The following NACC1 variants were observed in gnomAD, a reference collection of about 807,000 sequenced individuals.
NACC1 encodes the protein nucleus accumbens-associated protein 1.
NACC1 carries 6 observed loss-of-function variants against 41.7 expected under a neutral mutation model. The ratio of observed to expected loss-of-function variants is 0.14; its 90% CI spans 0.08 to 0.28. The LOEUF is 0.28. Ranked by LOEUF, NACC1 falls within the 10% of genes least tolerant of loss-of-function variation. NACC1 has a pLI of 1.00. For synonymous variants in NACC1, 338 were observed against 330.6 expected (o/e 1.02, Z -0.24); for missense variants, 434 against 763.7 (o/e 0.57, Z 5.09).
chr19:13,135,863 C>T lies in NACC1; in HGVS notation c.656C>T (p.Pro219Leu), dbSNP rs866928542. 5.8e-6 allele frequency: 9 copies of T among 1,554,962 alleles called. No homozygotes were observed. Among genetic ancestry groups the T allele is most frequent in the Non-Finnish European group, 6.9e-6 (8 of 1,152,282 alleles). The change falls in exon 2 of 6, where the codon CCC becomes CTC. Residue 219 changes from proline to leucine, a missense_variant. Physicochemically the swap from Pro to Leu is moderately conservative, Grantham distance 98. Around this residue, in one of 4 missense-constraint regions of NACC1, gnomAD observed 234 missense variants for 308.3 expected, o/e 0.76. Coordinates refer to ENST00000292431, the MANE Select transcript of NACC1 (RefSeq NM_052876.4). ...PDLAANRPHQ[P>L]PPPQQAPVVA... ...CTGGCTGCCAACCGGCCTCACCAGC[C>T]CCCGCCACCCCAACAGGCTCCGGTG...
Position 13,136,617 on chromosome 19 carries a change from C to G in NACC1, c.1120+212C>G, listed in dbSNP as rs920362660. ...CCTCTAGGTTTCTGGCTTAAGGGGT[C>G]GGGGCGAGCATTGGCTATTATTGTT... On this transcript the variant is annotated intron_variant, in intron 3 of 5. Transcript: ENST00000292431. The surrounding 1 kb of genome is among the most constrained non-coding windows in gnomAD (Gnocchi z 5.5). Among the ~76,000 whole-genome samples, 1 of 152,126 alleles carries G rather than the reference C, an allele frequency of 6.6e-6. No individual in the cohort carries two copies. The highest frequency in any genetic ancestry group is 6.5e-5 in the Admixed American group (1 of 15,276).
Position 13,138,555 on chromosome 19 carries a change from C to G in NACC1, c.*149C>G, listed in dbSNP as rs2019740494. 8.1e-7 allele frequency: 1 copy of G among 1,232,060 alleles called. No homozygotes were observed. Among genetic ancestry groups the G allele is most frequent in the Non-Finnish European group, 1.1e-6 (1 of 903,580 alleles). 76.3% of individuals were successfully genotyped at this position (1,232,060 alleles called of 1,614,324 possible). On this transcript the variant is annotated 3_prime_UTR_variant, in exon 6 of 6. Coordinates refer to ENST00000292431, the MANE Select transcript of NACC1 (RefSeq NM_052876.4). The surrounding 1 kb of genome is among the most constrained non-coding windows in gnomAD (Gnocchi z 5.7). ...CCCTCTGCCCCTCCTGTCCTACCCC[C>G]TTTCCCCACCGAGAGCTGGGCCGGG...
At position 13,140,073 on chromosome 19, in the gene NACC1, C is replaced by G. The variant is rs962200522; in HGVS notation, c.*1667C>G. 1 of 152,542 alleles carries G rather than the reference C, an allele frequency of 6.6e-6. No individual in the cohort carries two copies. Among genetic ancestry groups the G allele is most frequent in the Non-Finnish European group, 1.5e-5 (1 of 68,154 alleles). The allele number at this position is 152,542 out of a possible 1,614,324, so 9.4% of individuals were successfully genotyped here. A position where few individuals can be genotyped will look rare whatever the true frequency, so the allele number is the denominator to read the frequency against. On this transcript the variant is annotated 3_prime_UTR_variant, in exon 6 of 6. Transcript: ENST00000292431. This position sits in a 1 kb window ranked among gnomAD's most constrained non-coding sequence, Gnocchi z 4.0. ...ATCCCCCCGATGGGACCAGCAGCCCCGCCGGCCCACTGGGGGTCCCTCTTA... is the reference window on the plus strand; with the variant it reads ...ATCCCCCCGATGGGACCAGCAGCCCGGCCGGCCCACTGGGGGTCCCTCTTA...
intron 1 of NACC1, among the ~76,000 whole-genome samples, chr19:13,128,159 T>TGCGA (rs2019588976): frequency 6.6e-6 from 1 of 152,148 alleles, no homozygotes; most frequent in East Asian, 1.9e-4. Flanking sequence ...CTGGGGTGTG[T>TGCGA]GCGAGTCTGG....
intron 1 of NACC1, among the ~76,000 whole-genome samples, chr19:13,134,213 C>T (rs886500775): frequency 1.3e-5 from 2 of 152,014 alleles, no homozygotes; most frequent in African/African-American, 4.8e-5. Flanking sequence ...TGTGCTCCAC[C>T]ATGCCGGGGT....
At chr19:13,125,742 A>C (rs1599986186) in intron 1 of NACC1, among the ~76,000 whole-genome samples, 1 of 145,840 alleles carries the variant, frequency 6.9e-6, no homozygotes, top group Admixed American at 6.8e-5. Context: ...TTGATCAACA[A>C]CTTCTTTTTT....
At chr19:13,124,096 G>T (rs1217189641) in intron 1 of NACC1, among the ~76,000 whole-genome samples, 1 of 152,040 alleles carries the variant, frequency 6.6e-6, no homozygotes, top group Non-Finnish European at 1.5e-5. Context: ...AAATCTGTGG[G>T]TGTATAAGAA....
intron 1 of NACC1, among the ~76,000 whole-genome samples, chr19:13,130,772 G>A (rs2019624781): frequency 6.6e-6 from 1 of 152,050 alleles, no homozygotes; most frequent in Admixed American, 6.6e-5. Context: ...CTGACCTCAG[G>A]TGATCTGCCC....
At chr19:13,127,291 T>C (rs1599988241) in intron 1 of NACC1, among the ~76,000 whole-genome samples, 1 of 129,780 alleles carries the variant, frequency 7.7e-6, no homozygotes, top group Non-Finnish European at 1.6e-5. Flanking sequence ...CAGCTGGGAG[T>C]TGGAGACCAG....
At chr19:13,130,530 C>CT (rs1568384184) in intron 1 of NACC1, among the ~76,000 whole-genome samples, 2 of 138,126 alleles carry the variant, frequency 1.4e-5, no homozygotes, top group African/African-American at 5.9e-5. Context: ...CCTCTTTTTT[C>CT]TTTTCTTTTT....
chr19:13,131,233 G>T (rs2019631137), intron 1 of NACC1, among the ~76,000 whole-genome samples: 1 of 152,224 alleles, frequency 6.6e-6, no homozygotes, highest in South Asian at 2.1e-4. Context: ...TGGGTTGGAT[G>T]AACAGCCCAT....
At chr19:13,117,678 C>G (rs2019408793), upstream of NACC1, 1 of 151,986 alleles carries the variant, frequency 6.6e-6, no homozygotes, top group Non-Finnish European at 1.5e-5. Flanking sequence ...CTCAGTCTCC[C>G]GAGTAGCTGG....
chr19:13,120,337 G>T (rs1026791737), intron 1 of NACC1, among the ~76,000 whole-genome samples: 1 of 152,224 alleles, frequency 6.6e-6, no homozygotes, highest in Non-Finnish European at 1.5e-5. Flanking sequence ...TTGGCCCCCA[G>T]TCGGATGGCA....
At chr19:13,134,177 C>T (rs2019668990) in intron 1 of NACC1, among the ~76,000 whole-genome samples, 1 of 152,016 alleles carries the variant, frequency 6.6e-6, no homozygotes, top group Admixed American at 6.6e-5. Flanking sequence ...CCCCACCACA[C>T]CCTCCCTAGT....
chr19:13,119,824 C>T (rs1275709753), intron 1 of NACC1, among the ~76,000 whole-genome samples: 7 of 152,198 alleles, frequency 4.6e-5, no homozygotes, highest in Admixed American at 3.3e-4. Context: ...CTGTGCCGAG[C>T]TCGCTGGTCG....
intron 1 of NACC1, chr19:13,131,518 C>T (rs2019634328): frequency 6.6e-6 from 1 of 152,282 alleles, no homozygotes; most frequent in Non-Finnish European, 1.5e-5. Flanking sequence ...AACATGGTGC[C>T]TGTTTCTCCT....
intron 1 of NACC1, among the ~76,000 whole-genome samples, chr19:13,123,276 A>G (rs2019521911): frequency 6.6e-6 from 1 of 151,896 alleles, no homozygotes; most frequent in African/African-American, 2.4e-5. Flanking sequence ...ACACGCAGGG[A>G]GTGGGATGTA....
rs750308782 is a variant in NACC1, at chr19:13,138,273, C to A, written c.1451C>A (p.Ala484Asp). ...ATGCCCAAGGTCAAGGTGCTCAAGG[C>A]TGAGGATGACGCCTACACCACCTTC... ...SWMPKVKVLK[A>D]EDDAYTTFIS... The change falls in exon 6 of 6, where the codon GCT becomes GAT. Residue 484 changes from alanine to aspartate, a missense_variant. Transcript: ENST00000292431. This position sits in a 1 kb window ranked among gnomAD's most constrained non-coding sequence, Gnocchi z 5.7. The A allele has an allele frequency of 1.2e-6, 2 of 1,614,222 alleles. No individual in the cohort carries two copies. Among genetic ancestry groups the A allele is most frequent in the African/African-American group, 2.7e-5 (2 of 75,076 alleles).
Position 13,135,180 on chromosome 19 carries a change from C to G in NACC1, c.-8-20C>G, listed in dbSNP as rs762641060. On this transcript the variant is annotated intron_variant, in intron 1 of 5. Coordinates refer to ENST00000292431, the MANE Select transcript of NACC1 (RefSeq NM_052876.4). Reference sequence around the variant, plus strand: ...GTCCCTCCGTCTCTGTCTCTCCATTCCTCCCTGCCCCTCGTGCAGCCGCTG... The same window carrying G: ...GTCCCTCCGTCTCTGTCTCTCCATTGCTCCCTGCCCCTCGTGCAGCCGCTG... The G allele has an allele frequency of 1.9e-6, 3 of 1,546,066 alleles. No homozygotes were observed. In the Admixed American group the frequency reaches 5.8e-5, roughly 30 times the overall value.
Sources: allele counts gnomAD v4.1 joint callset (sites outside exome capture counted in the v4.1 genomes callset), GRCh38; gene constraint gnomAD v4.1.1; regional missense constraint gnomAD v4.1.1; non-coding constraint Gnocchi (gnomAD v3.1); transcripts MANE v1.5; gene names NCBI Gene and HGNC (gene_info 2026-07-23, HGNC 2026-07-21).